The following IFT140 variants were observed in gnomAD, a reference collection of about 807,000 sequenced individuals.
IFT140 encodes the protein intraflagellar transport protein 140 homolog.
IFT140 carries 133 observed loss-of-function variants against 164.6 expected under a neutral mutation model. That is an observed-to-expected ratio of 0.81 (90% confidence interval 0.70 to 0.93). The LOEUF (loss-of-function observed/expected upper bound fraction) is 0.93, where lower values mean the gene tolerates loss of function less well. IFT140 is among the 40% of genes least tolerant of loss of function. The pLI, the probability that IFT140 is intolerant of heterozygous loss-of-function variation, is 0.00. For missense variants in IFT140, 2,045 were observed against 1,972.3 expected (o/e 1.04, Z -0.70); for synonymous variants, 860 against 817.3 (o/e 1.05, Z -0.89).
At chr16:1,530,043 G>C (rs547445831) in intron 19 of IFT140, among the ~76,000 whole-genome samples, 3 of 152,036 alleles carry the variant, frequency 2.0e-5, no homozygotes, top group Admixed American at 2.0e-4. Flanking sequence ...GCCTCAGTGC[G>C]TGAGGCGTGA....
At chr16:1,526,149 AGGCC>A in intron 20 of IFT140, 72 bp from the exon 21 acceptor site, 1 of 1,399,440 alleles carries the variant, frequency 7.1e-7, no homozygotes. Context: ...GTTCCACGCC[AGGCC>A]ACCGGTCACC....
Position 1,523,600 on chromosome 16 carries a change from G to C in IFT140, c.3371C>G (p.Ala1124Gly). ...GAAGTCGGAGCAGCGGGCCAGGAGC[G>C]CAGGGTCTGACGTCTCATCCAGGTC... ...AEDLDETSDP[A>G]LLARCSDFFI... The change falls in exon 26 of 31, where the codon GCG (alanine) becomes GGG (glycine). Residue 1124 changes from alanine to glycine, a missense_variant. By Grantham distance (60) the Ala-to-Gly change is moderately conservative. Transcript: ENST00000426508. 1.9e-6 allele frequency: 3 copies of C among 1,613,876 alleles called. No individual in the cohort carries two copies. Among genetic ancestry groups the C allele is most frequent in the Non-Finnish European group, 1.7e-6 (2 of 1,180,016 alleles).
chr16:1,591,671 G>A (rs1018872371), intron 6 of IFT140, among the ~76,000 whole-genome samples: 1 of 152,154 alleles, frequency 6.6e-6, no homozygotes, highest in Admixed American at 6.5e-5. Flanking sequence ...CGTACAGTGA[G>A]GAAGAACGGG....
Position 1,568,314 on chromosome 16 carries a change from C to T in IFT140, c.1673G>A (p.Ser558Asn). 1.2e-6 allele frequency: 2 copies of T among 1,613,822 alleles called. No individual in the cohort carries two copies. Among genetic ancestry groups the T allele is most frequent in the Admixed American group, 1.7e-5 (1 of 60,032 alleles). ...LSRREAKAHCSCRSLAELVPG... is the reference protein window; with the variant it reads ...LSRREAKAHCNCRSLAELVPG... ...GACCAGCTCCGCCAGGCTCCTGCAG[C>T]TACAGTGTGCTTTGGCCTCTCTGCA... Residue 558 changes from serine (S) to asparagine (N), a missense_variant, in exon 15 of 31, where the codon AGC (serine) becomes AAC (asparagine). Physicochemically the swap from Ser to Asn is conservative, Grantham distance 46. Transcript: ENST00000426508.
intron 18 of IFT140, among the ~76,000 whole-genome samples, chr16:1,560,682 C>T (rs1213226345): frequency 6.6e-6 from 1 of 152,214 alleles, no homozygotes; most frequent in Non-Finnish European, 1.5e-5. Flanking sequence ...GGGGTCTACG[C>T]TCCCTCTGTC....
At chr16:1,550,168 G>C (rs541428457) in intron 19 of IFT140, among the ~76,000 whole-genome samples, 44 of 152,108 alleles carry the variant, frequency 2.9e-4, no homozygotes, top group African/African-American at 1.0e-3. Flanking sequence ...TCAAACTCCC[G>C]GGCTCAAGCA....
chr16:1,520,546 G>A, intron 27 of IFT140, 56 bp downstream of exon 27: 1 of 1,497,716 alleles, frequency 6.7e-7, no homozygotes, highest in African/African-American at 1.4e-5. Flanking sequence ...CGTGCAGGGG[G>A]CCCGCAGCCT....
chr16:1,561,052 G>A (rs1036471886), intron 18 of IFT140, among the ~76,000 whole-genome samples: 2 of 152,238 alleles, frequency 1.3e-5, no homozygotes, highest in African/African-American at 2.4e-5. Context: ...CTCACAGGCC[G>A]GCGCCAGCTG....
intron 19 of IFT140, among the ~76,000 whole-genome samples, chr16:1,528,360 T>C (rs1011991254): frequency 3.4e-4 from 50 of 146,930 alleles, no homozygotes; most frequent in Non-Finnish European, 5.1e-4. Flanking sequence ...CACGCACGTG[T>C]GCACACACAC....
At chr16:1,541,622 C>A (rs903380564) in intron 19 of IFT140, 1 of 459,908 alleles carries the variant, frequency 2.2e-6, no homozygotes, top group African/African-American at 2.1e-5. Context: ...CAGAGAGGAA[C>A]AGCTGTCTCA....
At chr16:1,569,084 A>G (rs957420606) in intron 14 of IFT140, among the ~76,000 whole-genome samples, 3 of 148,190 alleles carry the variant, frequency 2.0e-5, no homozygotes, top group Non-Finnish European at 4.4e-5. Flanking sequence ...GGCTCACTGC[A>G]AGCTCCGCCT....
In IFT140 at chr16:1,523,554, G is replaced by A. The variant is rs572040196; in HGVS notation, c.3417C>T (p.Tyr1139=). The A allele has an allele frequency of 6.2e-6, 10 of 1,613,150 alleles. No individual in the cohort carries two copies. The highest frequency in any genetic ancestry group is 3.3e-5 in the Admixed American group (2 of 60,022). ...CSDFFIEHSQ[Y]ERAVELLLAA... ...CCAGCAGCAGCTCTACCGCCCTCTC[G>A]TACTGACTGTGCTCGATGAAGAAGT... The change falls in exon 26 of 31, where the codon TAC becomes TAT. Residue 1139 remains tyrosine, a synonymous_variant. Transcript: ENST00000426508.
At chr16:1,555,255 C>T (rs546608216) in intron 19 of IFT140, 4 of 554,994 alleles carry the variant, frequency 7.2e-6, no homozygotes, top group South Asian at 4.4e-5. Flanking sequence ...TCCTGGTTAG[C>T]GCAACGCGGC....
chr16:1,553,496 G>T lies in IFT140; in HGVS notation c.2399+4439C>A. 1.0e-6 allele frequency: 1 copy of T among 985,464 alleles called. No individual in the cohort carries two copies. 61.0% of individuals were successfully genotyped at this position (985,464 alleles called of 1,614,324 possible). ...AGGCGGAGGGACAGCAGTGGGGCTCGGCGTGGCCGGAGCCTGGGGAGGGAC... is the reference window on the plus strand; with the variant it reads ...AGGCGGAGGGACAGCAGTGGGGCTCTGCGTGGCCGGAGCCTGGGGAGGGAC... On this transcript the variant is annotated intron_variant, in intron 19 of 30. Coordinates refer to ENST00000426508, the MANE Select transcript of IFT140 (RefSeq NM_014714.4). The surrounding 1 kb of genome is among the most constrained non-coding windows in gnomAD (Gnocchi z 4.4).
At chr16:1,557,275 GC>G (rs2033148547) in intron 19 of IFT140, among the ~76,000 whole-genome samples, 1 of 152,182 alleles carries the variant, frequency 6.6e-6, no homozygotes, top group Non-Finnish European at 1.5e-5. Context: ...AGTGTGGAAG[GC>G]CCGGCAGGGG....
At chr16:1,547,272 G>A (rs141833502) in intron 19 of IFT140, among the ~76,000 whole-genome samples, 142 of 152,338 alleles carry the variant, frequency 9.3e-4, no homozygotes, top group African/African-American at 3.2e-3. Flanking sequence ...GCACTGGTCC[G>A]TCCCGATGCC....
chr16:1,526,652 G>A lies in IFT140; in HGVS notation c.2544C>T (p.Arg848=), dbSNP rs371008462. The A allele has an allele frequency of 1.2e-4, 186 of 1,567,176 alleles. No homozygotes were observed. Among genetic ancestry groups the A allele is most frequent in the Admixed American group, 2.7e-4 (15 of 55,804 alleles). The part of the protein sequence containing the change: ...EAEQEPELEA[R]VAVLATQLGM... ...CCAGCTGCGTGGCCAGCACGGCCAC[G>A]CGGGCCTCTAGCTCCGGCTCCTGCT... is the stretch of plus-strand genomic sequence containing the variant. Residue 848 remains arginine, a synonymous_variant, in exon 20 of 31, where the codon CGC becomes CGT. Transcript: ENST00000426508.
intron 4 of IFT140, among the ~76,000 whole-genome samples, chr16:1,596,860 C>A (rs1408761646): frequency 6.6e-6 from 1 of 151,718 alleles, no homozygotes; most frequent in Non-Finnish European, 1.5e-5. Context: ...TTTTTGTACC[C>A]GTCACCACTC....
rs748071597 is a variant in IFT140, at chr16:1,518,363, GA to G, written c.4041-7del. On this transcript the variant is annotated splice_region_variant and splice_polypyrimidine_tract_variant and intron_variant, in intron 29 of 30. Coordinates refer to ENST00000426508, the MANE Select transcript of IFT140 (RefSeq NM_014714.4). ...TGGGGTCCTCTGTGTACGTCCTGCCGAGAGCAGAGATGAGGCCTGGGCCCCG... is the reference window on the plus strand; with the variant it reads ...TGGGGTCCTCTGTGTACGTCCTGCCGGAGCAGAGATGAGGCCTGGGCCCCG... The G allele has an allele frequency of 4.3e-6, 7 of 1,612,234 alleles. No individual in the cohort carries two copies. In the East Asian group the frequency reaches 1.6e-4, roughly 36 times the overall value.
Sources: gnomAD v4.1 joint callset for allele counts (sites outside exome capture counted in the v4.1 genomes callset) on GRCh38, gnomAD v4.1.1 for gene constraint, Gnocchi (gnomAD v3.1) non-coding constraint, MANE v1.5 for transcripts, NCBI Gene and HGNC (gene_info 2026-07-23, HGNC 2026-07-21) for gene names.